Variants in GDAP1 observed in about 807,000 individuals in gnomAD.
GDAP1 encodes the protein ganglioside induced differentiation associated protein 1, also known as ganglioside-induced differentiation-associated protein 1.
GDAP1 carries 34 observed loss-of-function variants against 40.1 expected under a neutral mutation model. That is an observed-to-expected ratio of 0.85 (90% CI 0.64 to 1.13). The LOEUF (loss-of-function observed/expected upper bound fraction) is 1.13. Ranked by LOEUF, GDAP1 falls within the 50% of genes most tolerant of loss-of-function variation. The pLI is 0.00. For synonymous variants in GDAP1, 170 were observed against 157.4 expected, an observed-to-expected ratio of 1.08 and a Z score of -0.60; for missense variants, 374 against 433.7, an observed-to-expected ratio of 0.86 and a Z score of 1.22.
intron 2 of GDAP1, among the ~76,000 whole-genome samples, chr8:74,377,600 G>T (rs945128737): frequency 6.6e-6 from 1 of 152,156 alleles, no homozygotes; most frequent in African/African-American, 2.4e-5. Flanking sequence ...ACTAGACTGG[G>T]TAAAATTTAA....
chr8:74,401,458 AT>A lies in GDAP1; in HGVS notation c.165+50144del, dbSNP rs1037320496. ...TTATTCTAGTTATACATTCGTCTCT[AT>A]TTTTTTCAAAGTTTTTAATTTCTTT... On this transcript the variant is annotated intron_variant, in intron 2 of 2. Coordinates refer to the GDAP1 transcript ENST00000523640. Among the ~76,000 whole-genome samples, 14 of 148,510 alleles carry A rather than the reference AT, an allele frequency of 9.4e-5. 1 individual carries two copies. Among genetic ancestry groups the A allele is most frequent in the African/African-American group, 3.4e-4 (13 of 38,406 alleles).
At chr8:74,353,772 A>C (rs868517050) in intron 2 of GDAP1, among the ~76,000 whole-genome samples, 6 of 152,234 alleles carry the variant, frequency 3.9e-5, no homozygotes, top group Non-Finnish European at 7.3e-5. Context: ...TGTACATTAA[A>C]GTTTGAGAAT....
chr8:74,437,351 G>A (rs930928755), intron 2 of GDAP1, among the ~76,000 whole-genome samples: 2 of 152,100 alleles, frequency 1.3e-5, no homozygotes, highest in African/African-American at 2.4e-5. Context: ...GTAAAGCTAG[G>A]AATCTAGTAC....
intron 2 of GDAP1, among the ~76,000 whole-genome samples, chr8:74,386,944 C>T (rs1191230833): frequency 6.6e-6 from 1 of 152,128 alleles, no homozygotes; most frequent in African/African-American, 2.4e-5. Flanking sequence ...CTCTTTGAAG[C>T]AATTGTGAAT....
intron 2 of GDAP1, among the ~76,000 whole-genome samples, chr8:74,419,446 T>C (rs144577445): frequency 2.0e-5 from 3 of 152,310 alleles, no homozygotes; most frequent in Non-Finnish European, 2.9e-5. Flanking sequence ...TTATATTACA[T>C]TCTTGGAAAG....
intron 2 of GDAP1, among the ~76,000 whole-genome samples, chr8:74,394,119 T>C (rs1304690464): frequency 6.6e-6 from 1 of 152,166 alleles, no homozygotes; most frequent in African/African-American, 2.4e-5. Flanking sequence ...CTTCACAATT[T>C]GGTGGAAGGC....
chr8:74,405,311 A>G (rs1805625107), intron 2 of GDAP1, among the ~76,000 whole-genome samples: 1 of 150,242 alleles, frequency 6.7e-6, no homozygotes, highest in South Asian at 2.1e-4. Context: ...GATTGTTACA[A>G]TTCAAGGTGA....
At chr8:74,433,416 A>G (rs986176612) in intron 2 of GDAP1, among the ~76,000 whole-genome samples, 2 of 152,174 alleles carry the variant, frequency 1.3e-5, no homozygotes, top group Non-Finnish European at 2.9e-5. Flanking sequence ...CACATGGTCA[A>G]TGTTTCATAA....
intron 2 of GDAP1, among the ~76,000 whole-genome samples, chr8:74,476,508 C>G (rs1032058671): frequency 6.6e-6 from 1 of 152,156 alleles, no homozygotes; most frequent in Non-Finnish European, 1.5e-5. Context: ...ATTTGCTCAT[C>G]TGAAAAAGAT....
chr8:74,460,523 A>G (rs1314161637), intron 2 of GDAP1, among the ~76,000 whole-genome samples: 1 of 152,204 alleles, frequency 6.6e-6, no homozygotes, highest in East Asian at 1.9e-4. Flanking sequence ...GGCCTCAGCT[A>G]GTAGACTCCT....
At chr8:74,450,436 T>C (rs1806288090) in intron 2 of GDAP1, among the ~76,000 whole-genome samples, 1 of 151,928 alleles carries the variant, frequency 6.6e-6, no homozygotes, top group Non-Finnish European at 1.5e-5. Flanking sequence ...AGGAGATGTA[T>C]TAAAATATTC....
intron 2 of GDAP1, among the ~76,000 whole-genome samples, chr8:74,353,374 G>A (rs772871046): frequency 6.6e-6 from 1 of 152,110 alleles, no homozygotes; most frequent in South Asian, 2.1e-4. Flanking sequence ...ACGAAAAAAC[G>A]ATTAAGGGAC....
At chr8:74,432,097 G>T (rs955736574) in intron 2 of GDAP1, among the ~76,000 whole-genome samples, 6 of 152,012 alleles carry the variant, frequency 3.9e-5, no homozygotes, top group African/African-American at 1.5e-4. Flanking sequence ...GAAGATAGAG[G>T]GTCTCTCTCT....
At chr8:74,456,029 G>T (rs576887144) in intron 2 of GDAP1, among the ~76,000 whole-genome samples, 26 of 151,848 alleles carry the variant, frequency 1.7e-4, no homozygotes, top group African/African-American at 5.6e-4. Flanking sequence ...AACTTACTCT[G>T]TCATATTTAT....
intron 2 of GDAP1, among the ~76,000 whole-genome samples, chr8:74,445,901 T>C (rs1806220900): frequency 6.6e-6 from 1 of 152,204 alleles, no homozygotes; most frequent in South Asian, 2.1e-4. Flanking sequence ...ATTGTCAACA[T>C]GGCTTCTCAA....
intron 2 of GDAP1, among the ~76,000 whole-genome samples, chr8:74,377,756 A>C (rs1205897890): frequency 2.6e-5 from 4 of 152,222 alleles, no homozygotes; most frequent in African/African-American, 4.8e-5. Flanking sequence ...ATGACCTAAC[A>C]ATCCCACTCT....
Position 74,407,880 on chromosome 8 carries a change from T to C in GDAP1, c.165+56559T>C, listed in dbSNP as rs551263518. 3.3e-4 allele frequency among the ~76,000 whole-genome samples: 50 copies of C among 149,984 alleles called. 1 individual carries two copies. In the South Asian group the frequency reaches 3.7e-3, roughly 11 times the overall value. On this transcript the variant is annotated intron_variant, in intron 2 of 2. Transcript: ENST00000523640. ...CTTTTTTTCTGCTGGCAAACTGACT[T>C]AGACAACAGGAAAAGAAACTAGATA...
In GDAP1 at chr8:74,365,411, G is replaced by A. The variant is rs1048377844; in HGVS notation, c.*1044G>A. ...ACTGATGTATGTTTAAGGGATTTGG[G>A]GGGGATACCTCAGTTCATGTGGAAG... is the stretch of plus-strand genomic sequence containing the variant. On this transcript the variant is annotated 3_prime_UTR_variant, in exon 6 of 6. Coordinates refer to ENST00000220822, the MANE Select transcript of GDAP1 (RefSeq NM_018972.4). 2.2e-6 allele frequency: 1 copy of A among 453,740 alleles called. No individual in the cohort carries two copies. Among genetic ancestry groups the A allele is most frequent in the South Asian group, 1.6e-5 (1 of 64,436 alleles). The allele number at this position is 453,740 out of a possible 1,614,324, so 28.1% of individuals were successfully genotyped here.
rs1303122355 is a variant in GDAP1, at chr8:74,452,221, A to G, written c.166-36457A>G. On this transcript the variant is annotated intron_variant, in intron 2 of 2. Transcript: ENST00000523640. ...CACCTCGGCCTCCCAAAGTGCTGGG[A>G]TTACAGGCATGAGCCACTTCGCCCA... 2.4e-5 allele frequency among the ~76,000 whole-genome samples: 2 copies of G among 83,198 alleles called. 1 individual carries two copies. The highest frequency in any genetic ancestry group is 1.1e-4 in the African/African-American group (2 of 19,012). The allele number at this position is 83,198 out of a possible 152,430, so 54.6% of individuals were successfully genotyped here. A position where few individuals can be genotyped will look rare whatever the true frequency, so the allele number is the denominator to read the frequency against.
Sources: allele counts gnomAD v4.1 joint callset (sites outside exome capture counted in the v4.1 genomes callset), GRCh38; gene constraint gnomAD v4.1.1; transcripts MANE v1.5; gene names NCBI Gene and HGNC (gene_info 2026-07-23, HGNC 2026-07-21).